Variants in CEACAM21 observed in about 807,000 individuals in gnomAD.
CEACAM21 encodes the protein cell adhesion molecule CEACAM21.
A neutral mutation model predicts 33.2 loss-of-function variants in CEACAM21; 38 were observed. The observed-to-expected ratio is 1.14, with a 90% CI of 0.88 to 1.50. The LOEUF (loss-of-function observed/expected upper bound fraction) is 1.50. Among genes scored for constraint, CEACAM21 ranks in the 40% most tolerant of loss-of-function variants. The pLI is 0.00. For missense variants in CEACAM21, 385 were observed against 364.6 expected (o/e 1.06, Z -0.46); for synonymous variants, 156 against 143.0 (o/e 1.09, Z -0.65).
At chr19:41,567,538 C>T (rs921490385) in intron 2 of CEACAM21, among the ~76,000 whole-genome samples, 1 of 152,156 alleles carries the variant, frequency 6.6e-6, no homozygotes, top group Non-Finnish European at 1.5e-5. Context: ...TAAAAGGGTG[C>T]CCCCTTTTCA....
chr19:41,583,065 G>A (rs2043537042), intron 3 of CEACAM21, among the ~76,000 whole-genome samples: 1 of 152,124 alleles, frequency 6.6e-6, no homozygotes, highest in African/African-American at 2.4e-5. Flanking sequence ...ATAAAACTGA[G>A]TGTTTTTAAC....
intron 2 of CEACAM21, among the ~76,000 whole-genome samples, chr19:41,567,682 C>A (rs1555788608): frequency 6.6e-6 from 1 of 152,084 alleles, no homozygotes; most frequent in Admixed American, 6.6e-5. Context: ...CAAATAAAAC[C>A]GAGCACAAGT....
chr19:41,573,924 A>T (rs2042767600), upstream of CEACAM21, among the ~76,000 whole-genome samples: 1 of 152,190 alleles, frequency 6.6e-6, no homozygotes, highest in African/African-American at 2.4e-5. Context: ...AAATTGGAGG[A>T]CTCACTTCCT....
At chr19:41,554,569 T>G (rs1462944928) in intron 1 of CEACAM21, among the ~76,000 whole-genome samples, 2 of 152,088 alleles carry the variant, frequency 1.3e-5, no homozygotes, top group Non-Finnish European at 2.9e-5. Flanking sequence ...TCACAATGCT[T>G]CCTGTATGAT....
chr19:41,572,737 C>T (rs907588210), upstream of CEACAM21, among the ~76,000 whole-genome samples: 1 of 152,132 alleles, frequency 6.6e-6, no homozygotes, highest in African/African-American at 2.4e-5. Flanking sequence ...AGAATCCGGC[C>T]CTGAATTCAT....
At chr19:41,566,261 A>T (rs139204168) in intron 2 of CEACAM21, among the ~76,000 whole-genome samples, 1,871 of 152,322 alleles carry the variant, frequency 0.012, 31 homozygotes, top group African/African-American at 0.041. Context: ...TACTTATGGG[A>T]AGTAACTTAG....
chr19:41,585,267 T>C lies in CEACAM21; in HGVS notation c.798-176T>C, dbSNP rs192281214. ...CCCCTCTGGCCAGGACAGATGTGGC[T>C]TTGTAAGGCCTTTCCTCAACTCCCC... On this transcript the variant is annotated intron_variant, in intron 4 of 6. Coordinates refer to ENST00000401445, the MANE Select transcript of CEACAM21 (RefSeq NM_001098506.4). Among the ~76,000 whole-genome samples the C allele has an allele frequency of 5.9e-5, 9 of 152,216 alleles. No individual in the cohort carries two copies. The East Asian group carries it at 1.5e-3, about 26-fold the overall frequency.
In CEACAM21 at chr19:41,584,449, A is replaced by C. The variant is rs1555794547; in HGVS notation, c.797+6A>C. Reference sequence around the variant, plus strand: ...CTCCTCCGAAAAACTGGCAGGTACCACAGCTTTTCCCCATTCTGCTCCCAT... The same window carrying C: ...CTCCTCCGAAAAACTGGCAGGTACCCCAGCTTTTCCCCATTCTGCTCCCAT... On this transcript the variant is annotated splice_donor_region_variant and intron_variant, in intron 4 of 6. Transcript: ENST00000401445. 1 of 1,598,806 alleles carries C rather than the reference A, an allele frequency of 6.3e-7. No individual in the cohort carries two copies. The highest frequency in any genetic ancestry group is 1.1e-5 in the South Asian group (1 of 88,834).
At chr19:41,558,839 ATT>A (rs1217677699) in intron 1 of CEACAM21, among the ~76,000 whole-genome samples, 2 of 152,238 alleles carry the variant, frequency 1.3e-5, no homozygotes, top group Non-Finnish European at 2.9e-5. Flanking sequence ...TAAAATATAT[ATT>A]CTCTGTTTAA....
chr19:41,555,366 T>C (rs1486860056), intron 1 of CEACAM21: 8 of 149,834 alleles, frequency 5.3e-5, no homozygotes, highest in Non-Finnish European at 8.9e-5. Context: ...GATTTAGAAA[T>C]CTTTTCAGAG....
Position 41,579,636 on chromosome 19 carries a change from AC to A in CEACAM21, c.700+11del. 1.3e-6 allele frequency: 2 copies of A among 1,521,464 alleles called. No individual in the cohort carries two copies. The highest frequency in any genetic ancestry group is 1.8e-6 in the Non-Finnish European group (2 of 1,125,440). The allele number at this position is 1,521,464 out of a possible 1,614,324, so 94.2% of individuals were successfully genotyped here. A position where few individuals can be genotyped will look rare whatever the true frequency, so the allele number is the denominator to read the frequency against. ...TCAAGCTGACTGTAAAATGTGAGTG[AC>A]CCTCGGCCCCTCTCACTCCTTTCCT... On this transcript the variant is annotated intron_variant, in intron 3 of 6. Transcript: ENST00000401445.
chr19:41,568,663 G>A (rs2042415063), intron 2 of CEACAM21, among the ~76,000 whole-genome samples: 1 of 152,166 alleles, frequency 6.6e-6, no homozygotes, highest in Admixed American at 6.5e-5. Flanking sequence ...TTTTATGCCA[G>A]GACCATGCTG....
chr19:41,582,019 C>A (rs1240702709), intron 3 of CEACAM21, among the ~76,000 whole-genome samples: 2 of 152,216 alleles, frequency 1.3e-5, no homozygotes, highest in African/African-American at 4.8e-5. Context: ...TCCCTTCCAC[C>A]TATAAGCCTG....
At chr19:41,560,200 C>T (rs1392104791) in intron 1 of CEACAM21, among the ~76,000 whole-genome samples, 1 of 152,080 alleles carries the variant, frequency 6.6e-6, no homozygotes, top group African/African-American at 2.4e-5. Flanking sequence ...ATGCTTAGCT[C>T]TTTTATCTTT....
chr19:41,559,600 A>G (rs1555786336), intron 1 of CEACAM21, among the ~76,000 whole-genome samples: 1 of 152,222 alleles, frequency 6.6e-6, no homozygotes, highest in African/African-American at 2.4e-5. Context: ...AAAAGAATCA[A>G]CAAGTCAAAA....
At chr19:41,560,969 GAC>G (rs1179910494) in intron 1 of CEACAM21, among the ~76,000 whole-genome samples, 5 of 152,012 alleles carry the variant, frequency 3.3e-5, no homozygotes, top group African/African-American at 1.2e-4. Context: ...CTTGCAGCAA[GAC>G]AAAAATATAA....
At chr19:41,585,264 G>A (rs2070640890) in intron 4 of CEACAM21, among the ~76,000 whole-genome samples, 179 bp from the exon 5 acceptor site, 1 of 152,066 alleles carries the variant, frequency 6.6e-6, no homozygotes. Context: ...GGACAGATGT[G>A]GCTTTGTAAG....
intron 2 of CEACAM21, among the ~76,000 whole-genome samples, chr19:41,571,001 C>A (rs530061998): frequency 1.3e-5 from 2 of 152,182 alleles, no homozygotes; most frequent in African/African-American, 4.8e-5. Context: ...CACAGCAGGG[C>A]TCTCCACTCC....
intron 3 of CEACAM21, among the ~76,000 whole-genome samples, chr19:41,582,305 T>G (rs1285363955): frequency 2.0e-5 from 3 of 152,238 alleles, no homozygotes; most frequent in Admixed American, 2.0e-4. Context: ...CACTCCTGGC[T>G]GCTTTCATAG....
Sources: gnomAD v4.1 joint callset for allele counts (sites outside exome capture counted in the v4.1 genomes callset) on GRCh38, gnomAD v4.1.1 for gene constraint, MANE v1.5 for transcripts, NCBI Gene and HGNC (gene_info 2026-07-23, HGNC 2026-07-21) for gene names.